Variants in GAREM2 observed in about 807,000 individuals in gnomAD.
The protein encoded by GAREM2 is GRB2-associated and regulator of MAPK protein 2.
Under a neutral mutation model 55.6 loss-of-function variants are expected in GAREM2, and 30 were observed. The observed-to-expected ratio is 0.54, with a 90% CI of 0.40 to 0.73. The LOEUF (loss-of-function observed/expected upper bound fraction) is 0.73, where lower values mean the gene tolerates loss of function less well. Ranked by LOEUF, GAREM2 falls within the 30% of genes least tolerant of loss-of-function variation. The pLI, the probability that GAREM2 is intolerant of heterozygous loss-of-function variation, is 0.00. For missense variants in GAREM2, 1,075 were observed against 1,257.7 expected (o/e 0.85, Z 2.20); for synonymous variants, 550 against 569.1 (o/e 0.97, Z 0.48).
In GAREM2 at chr2:26,185,013, G is replaced by A; in HGVS notation, c.1165G>A (p.Gly389Arg). The A allele has an allele frequency of 2.7e-6, 3 of 1,104,622 alleles. No homozygotes were observed. Among genetic ancestry groups the A allele is most frequent in the Non-Finnish European group, 3.3e-6 (3 of 907,780 alleles). The allele number at this position is 1,104,622 out of a possible 1,614,324, so 68.4% of individuals were successfully genotyped here. A position where few individuals can be genotyped will look rare whatever the true frequency, so the allele number is the denominator to read the frequency against. ...RLCLPAPRAP[G>R]LARAPGPLAP... ...CTGCCTGCCCGCGCCGCGCGCCCCC[G>A]GGCTCGCCCGCGCCCCCGGCCCGCT... is the stretch of plus-strand genomic sequence containing the variant. The change falls in exon 4 of 6, where the codon GGG becomes AGG. Residue 389 changes from glycine to arginine, a missense_variant. Gly to Arg is a moderately radical substitution (Grantham distance 125). Coordinates refer to ENST00000401533, the MANE Select transcript of GAREM2 (RefSeq NM_001168241.2).
chr2:26,185,053 C>T lies in GAREM2; in HGVS notation c.1205C>T (p.Ala402Val), dbSNP rs1359472004. The T allele has an allele frequency of 4.1e-6, 5 of 1,230,972 alleles. No individual in the cohort carries two copies. The highest frequency in any genetic ancestry group is 4.4e-5 in the Admixed American group (1 of 22,728). 76.3% of individuals were successfully genotyped at this position (1,230,972 alleles called of 1,614,324 possible). A position where few individuals can be genotyped will look rare whatever the true frequency, so the allele number is the denominator to read the frequency against. ...RAPGPLAPAP[A>V]GEGDQEYVSP... ...CCCGGCCCGCTAGCGCCGGCTCCCGCCGGCGAGGGCGACCAGGAGTACGTG... is the reference window on the plus strand; with the variant it reads ...CCCGGCCCGCTAGCGCCGGCTCCCGTCGGCGAGGGCGACCAGGAGTACGTG... The change falls in exon 4 of 6, where the codon GCC becomes GTC. Residue 402 changes from alanine (A) to valine (V), a missense_variant. Physicochemically the swap from Ala to Val is moderately conservative, Grantham distance 64 (BLOSUM62 0). This residue lies in a region of GAREM2 where 515 missense variants were observed against 501.5 expected (regional missense o/e 1.03). Transcript: ENST00000401533.
downstream of GAREM2, chr2:26,194,580 C>T (rs779324271): frequency 6.9e-5 from 111 of 1,605,098 alleles, 1 homozygote; most frequent in South Asian, 1.1e-3. Context: ...CTGGAGGATT[C>T]GGATGACTTC....
At chr2:26,176,951 G>A (rs1356581037) in intron 2 of GAREM2, among the ~76,000 whole-genome samples, 10 of 152,054 alleles carry the variant, frequency 6.6e-5, no homozygotes, top group Non-Finnish European at 1.5e-4. Flanking sequence ...CCCAATTTTT[G>A]CGTTAAACCT....
intron 2 of GAREM2, chr2:26,181,202 TAGCAAGGC>T: frequency 1.1e-6 from 1 of 917,316 alleles, no homozygotes; most frequent in Non-Finnish European, 1.3e-6. Flanking sequence ...TTTACTGCTT[TAGCAAGGC>T]ATTCAGAGCC....
chr2:26,175,229 C>G (rs1175047183), intron 1 of GAREM2, among the ~76,000 whole-genome samples: 1 of 152,178 alleles, frequency 6.6e-6, no homozygotes, highest in East Asian at 1.9e-4. Flanking sequence ...TCCCTACCCC[C>G]ACCCTCCCCA....
chr2:26,182,116 G>A, intron 2 of GAREM2: 2 of 1,127,670 alleles, frequency 1.8e-6, no homozygotes, highest in South Asian at 3.4e-5. Flanking sequence ...AGCTTGTTTT[G>A]TGCTCATGTG....
chr2:26,193,166 CT>C (rs112860486), downstream of GAREM2, among the ~76,000 whole-genome samples: 1 of 151,932 alleles, frequency 6.6e-6, no homozygotes, highest in African/African-American at 2.4e-5. Context: ...GATTTCATCT[CT>C]GGGGGATAAA....
chr2:26,174,006 G>A (rs1668781733), intron 1 of GAREM2, among the ~76,000 whole-genome samples: 1 of 152,158 alleles, frequency 6.6e-6, no homozygotes, highest in African/African-American at 2.4e-5. Context: ...GGGTACGCCC[G>A]GAGGCTGCAT....
intron 2 of GAREM2, among the ~76,000 whole-genome samples, chr2:26,177,057 C>T (rs1456457355): frequency 1.3e-5 from 2 of 152,162 alleles, no homozygotes; most frequent in East Asian, 3.8e-4. Flanking sequence ...TTATACGTGA[C>T]GTTGACATAT....
chr2:26,203,865 A>C, the GAREM2 span, among the ~76,000 whole-genome samples: 1 of 152,238 alleles, frequency 6.6e-6, no homozygotes, highest in Non-Finnish European at 1.5e-5. Flanking sequence ...ACGAAGTCAA[A>C]GAAGGAATTG....
chr2:26,173,621 C>A (rs1242850807), intron 1 of GAREM2, among the ~76,000 whole-genome samples: 2 of 152,066 alleles, frequency 1.3e-5, no homozygotes, highest in African/African-American at 4.8e-5. Flanking sequence ...CTGCTCCCGC[C>A]CCGTCGGTTG....
At chr2:26,192,390 C>CTGAT (rs796051971), downstream of GAREM2, 7 of 1,606,908 alleles carry the variant, frequency 4.4e-6, no homozygotes, top group Non-Finnish European at 5.1e-6. Flanking sequence ...TCACACCCTC[C>CTGAT]TGATAGATGT....
downstream of GAREM2, chr2:26,189,763 GATGTGGGTGTGTGGCCATTCCC>G (rs1669433268): frequency 6.6e-6 from 1 of 152,322 alleles, no homozygotes; most frequent in African/African-American, 2.4e-5. Flanking sequence ...ATGGAGGAAT[GATGTGGGTGTGTGGCCATTCCC>G]ATGTCTGTGG....
At position 26,186,244 on chromosome 2, in the gene GAREM2, A is replaced by G. The variant is rs1669249319; in HGVS notation, c.1484A>G (p.Asn495Ser). ...CCTCCAGTGCCTCCCCGGGGTGGCA[A>G]TGGCAGCGGCCGGCTCTCCAGCAGC... ...NAPPVPPRGG[N>S]GSGRLSSSPP... Residue 495 changes from asparagine (N) to serine (S), a missense_variant, in exon 5 of 6, where the codon AAT (asparagine) becomes AGT (serine). By Grantham distance (46) the Asn-to-Ser change is conservative (BLOSUM62 1). Around this residue, in one of 6 missense-constraint regions of GAREM2, gnomAD observed 515 missense variants for 501.5 expected, o/e 1.03. Coordinates refer to ENST00000401533, the MANE Select transcript of GAREM2 (RefSeq NM_001168241.2). The G allele has an allele frequency of 6.5e-7, 1 of 1,548,220 alleles. No individual in the cohort carries two copies. Among genetic ancestry groups the G allele is most frequent in the Non-Finnish European group, 8.7e-7 (1 of 1,145,302 alleles).
chr2:26,195,372 T>G, the GAREM2 span: 1 of 789,998 alleles, frequency 1.3e-6, no homozygotes, highest in Non-Finnish European at 2.3e-6. Context: ...AGTGGTTTGG[T>G]TCCATGGGTC....
chr2:26,191,583 C>G, downstream of GAREM2: 1 of 1,614,094 alleles, frequency 6.2e-7, no homozygotes, highest in Non-Finnish European at 8.5e-7. Flanking sequence ...CTGCCTCATT[C>G]ACAAATCTTG....
the GAREM2 span, among the ~76,000 whole-genome samples, chr2:26,200,802 G>A: frequency 5.3e-5 from 8 of 151,274 alleles, no homozygotes; most frequent in East Asian, 1.9e-4. Flanking sequence ...GCGTGATCTC[G>A]GCTCACTGCA....
Position 26,178,951 on chromosome 2 carries a change from C to T in GAREM2, c.253+2467C>T, listed in dbSNP as rs552030684. ...GAAGGCCGGCGGGTTAACGAGGAGG[C>T]GCTGAGTGCACGGCTGGGCTCCACG... On this transcript the variant is annotated intron_variant, in intron 2 of 5. Transcript: ENST00000401533. Among the ~76,000 whole-genome samples, 7 of 110,762 alleles carry T rather than the reference C, an allele frequency of 6.3e-5. No homozygotes were observed. In the South Asian group the frequency reaches 1.8e-3, roughly 28 times the overall value. 72.7% of individuals were successfully genotyped at this position (110,762 alleles called of 152,430 possible).
downstream of GAREM2, chr2:26,194,595 A>C (rs1348750493): frequency 4.3e-6 from 7 of 1,612,410 alleles, no homozygotes; most frequent in Non-Finnish European, 5.9e-6. Flanking sequence ...GACTTCAGAC[A>C]TCATGGGCGC....
Sources: allele counts gnomAD v4.1 joint callset (sites outside exome capture counted in the v4.1 genomes callset), GRCh38; gene constraint gnomAD v4.1.1; regional missense constraint gnomAD v4.1.1; transcripts MANE v1.5; gene names NCBI Gene and HGNC (gene_info 2026-07-23, HGNC 2026-07-21).